The following CPEB3 variants were observed in gnomAD, a reference collection of about 807,000 sequenced individuals.
CPEB3 encodes the protein cytoplasmic polyadenylation element-binding protein 3.
Under a neutral mutation model 67.2 loss-of-function variants are expected in CPEB3, and 20 were observed. That is an observed-to-expected ratio of 0.30 (90% confidence interval 0.21 to 0.43). CPEB3 has a LOEUF of 0.43. CPEB3 is among the 20% of genes least tolerant of loss of function. The pLI is 1.00. For missense variants in CPEB3, 746 were observed against 968.6 expected (o/e 0.77, Z 3.05); for synonymous variants, 376 against 393.1 (o/e 0.96, Z 0.51).
At position 92,192,518 on chromosome 10, in the gene CPEB3, G is replaced by A. The variant is rs1849027655; in HGVS notation, c.1124C>T (p.Pro375Leu). 6.2e-7 allele frequency: 1 copy of A among 1,613,852 alleles called. No individual in the cohort carries two copies. The highest frequency in any genetic ancestry group is 1.1e-5 in the South Asian group (1 of 91,076). Reference sequence around the variant, plus strand: ...CCACATTATATCAGCGAAACTCATTGGTGGGCCACTGGGAGGGTAGTGTTT... The same window carrying A: ...CCACATTATATCAGCGAAACTCATTAGTGGGCCACTGGGAGGGTAGTGTTT... Reference protein sequence around the residue: ...KGKHYPPSGPPMSFADIMWRN... With the variant: ...KGKHYPPSGPLMSFADIMWRN... The change falls in exon 3 of 10, where the codon CCA becomes CTA. Residue 375 changes from proline to leucine, a missense_variant. Transcript: ENST00000265997.
chr10:92,192,025 A>G (rs1174616635), intron 3 of CPEB3, among the ~76,000 whole-genome samples: 2 of 152,178 alleles, frequency 1.3e-5, no homozygotes, highest in African/African-American at 2.4e-5. Flanking sequence ...GATACTTCCT[A>G]TACTAGGAAG....
At chr10:92,187,321 C>T (rs1378452332) in intron 3 of CPEB3, among the ~76,000 whole-genome samples, 1 of 152,216 alleles carries the variant, frequency 6.6e-6, no homozygotes, top group Non-Finnish European at 1.5e-5. Flanking sequence ...CAGTTCTCAA[C>T]TGACACCTGT....
intron 6 of CPEB3, among the ~76,000 whole-genome samples, chr10:92,118,410 G>T (rs1490463934): frequency 1.3e-5 from 2 of 152,196 alleles, no homozygotes; most frequent in Non-Finnish European, 2.9e-5. Context: ...GGGATTACAG[G>T]TGTGAGCCAC....
intron 2 of CPEB3, among the ~76,000 whole-genome samples, chr10:92,200,349 A>G (rs1304273175): frequency 6.6e-6 from 1 of 152,050 alleles, no homozygotes; most frequent in African/African-American, 2.4e-5. Context: ...GTTCGAGACC[A>G]GCCTGACCAA....
intron 4 of CPEB3, among the ~76,000 whole-genome samples, chr10:92,169,147 T>G (rs1324357678): frequency 6.7e-6 from 1 of 149,326 alleles, no homozygotes; most frequent in Admixed American, 6.7e-5. Context: ...TTTTGTTGTT[T>G]TTTTTTTTGA....
chr10:92,112,253 G>A (rs1468192540), intron 6 of CPEB3, among the ~76,000 whole-genome samples: 2 of 149,980 alleles, frequency 1.3e-5, no homozygotes, highest in Non-Finnish European at 3.0e-5. Context: ...CAAGCAGTTC[G>A]TGTGCCTCAG....
At chr10:92,150,412 T>C (rs1846908390) in intron 4 of CPEB3, among the ~76,000 whole-genome samples, 1 of 152,104 alleles carries the variant, frequency 6.6e-6, no homozygotes, top group Admixed American at 6.6e-5. Context: ...TATTATAAGC[T>C]CCTGAAGGAC....
At chr10:92,265,460 C>T (rs1853010150) in intron 1 of CPEB3, among the ~76,000 whole-genome samples, 1 of 151,874 alleles carries the variant, frequency 6.6e-6, no homozygotes, top group Non-Finnish European at 1.5e-5. Context: ...ATGTCTCTCC[C>T]AAAAGAAAAA....
chr10:92,215,895 G>A (rs1316919226), intron 2 of CPEB3, among the ~76,000 whole-genome samples: 2 of 150,518 alleles, frequency 1.3e-5, no homozygotes, highest in Admixed American at 1.3e-4. Context: ...AACTACAGGT[G>A]CGTGCCACCA....
At chr10:92,067,880 C>G (rs187637259) in intron 9 of CPEB3, among the ~76,000 whole-genome samples, 1 of 152,264 alleles carries the variant, frequency 6.6e-6, no homozygotes, top group Admixed American at 6.5e-5. Flanking sequence ...AGCTTTTCCA[C>G]ACCAACAAAT....
At chr10:92,215,548 T>C (rs1850321897) in intron 2 of CPEB3, among the ~76,000 whole-genome samples, 1 of 149,104 alleles carries the variant, frequency 6.7e-6, no homozygotes, top group South Asian at 2.1e-4. Context: ...TTCAAGCGAT[T>C]TTCCTGCCTC....
At chr10:92,087,162 T>C (rs1056545056) in intron 8 of CPEB3, among the ~76,000 whole-genome samples, 2 of 152,208 alleles carry the variant, frequency 1.3e-5, no homozygotes, top group Admixed American at 6.5e-5. Context: ...ATGTCTGAAA[T>C]AAATGATCTT....
chr10:92,077,821 G>A (rs1842993830), intron 9 of CPEB3, among the ~76,000 whole-genome samples: 1 of 150,612 alleles, frequency 6.6e-6, no homozygotes, highest in South Asian at 2.1e-4. Flanking sequence ...GGAGAGGGGA[G>A]GGGAGTGAAG....
intron 6 of CPEB3, among the ~76,000 whole-genome samples, chr10:92,126,099 T>TA (rs1845598915): frequency 6.6e-6 from 1 of 152,150 alleles, no homozygotes; most frequent in East Asian, 1.9e-4. Flanking sequence ...AGCTAGGTGT[T>TA]AAAAAATGAA....
chr10:92,188,729 AT>A (rs1190387742), intron 3 of CPEB3, among the ~76,000 whole-genome samples: 1 of 152,200 alleles, frequency 6.6e-6, no homozygotes, highest in African/African-American at 2.4e-5. Context: ...CAGAAAAAAA[AT>A]AAATAAATAA....
intron 2 of CPEB3, among the ~76,000 whole-genome samples, chr10:92,221,459 C>T (rs1850695203): frequency 6.6e-6 from 1 of 152,204 alleles, no homozygotes. Flanking sequence ...CGCCAGTGCA[C>T]TCCAGCCTGG....
chr10:92,117,047 CAG>C (rs1374540409), intron 6 of CPEB3, among the ~76,000 whole-genome samples: 3 of 151,924 alleles, frequency 2.0e-5, no homozygotes, highest in South Asian at 2.1e-4. Context: ...TTTTTTGAGA[CAG>C]AGTCTCGCTC....
At chr10:92,125,851 G>A (rs1845589598) in intron 6 of CPEB3, among the ~76,000 whole-genome samples, 1 of 152,002 alleles carries the variant, frequency 6.6e-6, no homozygotes, top group Non-Finnish European at 1.5e-5. Flanking sequence ...AGCCTCCCAA[G>A]TAGCTGGGAC....
At chr10:92,162,085 CCTCT>C (rs956447691) in intron 4 of CPEB3, among the ~76,000 whole-genome samples, 7 of 152,062 alleles carry the variant, frequency 4.6e-5, no homozygotes, top group Non-Finnish European at 7.4e-5. Flanking sequence ...CTATCTACTC[CCTCT>C]AAGAACTTTA....
Sources: gnomAD v4.1 joint callset for allele counts (sites outside exome capture counted in the v4.1 genomes callset) on GRCh38, gnomAD v4.1.1 for gene constraint, MANE v1.5 for transcripts, NCBI Gene and HGNC (gene_info 2026-07-23, HGNC 2026-07-21) for gene names.